Variants in RLBP1 observed in about 807,000 individuals in gnomAD.
RLBP1 encodes the protein retinaldehyde binding protein 1.
In RLBP1, 26 loss-of-function variants were observed where a neutral mutation model predicts 36.2. That is an observed-to-expected ratio of 0.72 (90% CI 0.53 to 1.00). The LOEUF is 1.00. RLBP1 is among the 50% of genes least tolerant of loss of function. The probability of loss-of-function intolerance (pLI) is 0.00; values close to 1 mark genes in which losing one functional copy is unlikely to be tolerated. For synonymous variants in RLBP1, 155 were observed against 156.2 expected (o/e 0.99, Z 0.06); for missense variants, 410 against 402.4 (o/e 1.02, Z -0.16).
Position 89,211,879 on chromosome 15 carries a change from A to T in RLBP1, c.548T>A (p.Ile183Asn), listed in dbSNP as rs1223610310. ...FDEILQAYCF[I>N]LEKLLENEET... Reference sequence around the variant, plus strand: ...CTCATTCTCCAGCAGCTTCTCCAGGATGAAGCAATATGCCTGCAAGATCTT... The same window carrying T: ...CTCATTCTCCAGCAGCTTCTCCAGGTTGAAGCAATATGCCTGCAAGATCTT... The change falls in exon 7 of 9, where the codon ATC (isoleucine) becomes AAC (asparagine). Residue 183 changes from isoleucine (I) to asparagine (N), a missense_variant. Ile to Asn is a moderately radical substitution (Grantham distance 149). Transcript: ENST00000268125. The surrounding 1 kb of genome is among the most constrained non-coding windows in gnomAD (Gnocchi z 5.8). 1 of 1,614,244 alleles carries T rather than the reference A, an allele frequency of 6.2e-7. No individual in the cohort carries two copies. Among genetic ancestry groups the T allele is most frequent in the Non-Finnish European group, 8.5e-7 (1 of 1,180,038 alleles).
At chr15:89,216,378 A>C (rs1418260054) in intron 5 of RLBP1, among the ~76,000 whole-genome samples, 1 of 151,576 alleles carries the variant, frequency 6.6e-6, no homozygotes, top group Non-Finnish European at 1.5e-5. Flanking sequence ...GCTGGAGTGC[A>C]ATGGCACGAT....
chr15:89,210,710 G>T lies in RLBP1; in HGVS notation c.784C>A (p.Leu262Met). The change falls in exon 8 of 9, where the codon CTG (leucine) becomes ATG (methionine). Residue 262 changes from leucine to methionine, a missense_variant. By Grantham distance (15) the Leu-to-Met change is conservative. Coordinates refer to ENST00000268125, the MANE Select transcript of RLBP1 (RefSeq NM_000326.5). The surrounding 1 kb of genome is among the most constrained non-coding windows in gnomAD (Gnocchi z 4.7). ...GCCCACGTACTCACCCTCTCAAGCAGCTTGCTCTTCAAGAAGGGCTTGACC... is the reference window on the plus strand; with the variant it reads ...GCCCACGTACTCACCCTCTCAAGCATCTTGCTCTTCAAGAAGGGCTTGACC... ...NVVKPFLKSK[L>M]LERVFVHGDD... The T allele has an allele frequency of 6.3e-7, 1 of 1,594,912 alleles. No individual in the cohort carries two copies. The highest frequency in any genetic ancestry group is 1.3e-5 in the African/African-American group (1 of 74,710).
chr15:89,213,222 C>G (rs1055850199), intron 6 of RLBP1, among the ~76,000 whole-genome samples: 2 of 151,890 alleles, frequency 1.3e-5, no homozygotes, highest in Non-Finnish European at 2.9e-5. Flanking sequence ...ACTTCACCAT[C>G]TCTGCCACCA....
In RLBP1 at chr15:89,211,852, TC is replaced by T; in HGVS notation, c.574del (p.Glu192LysfsTer67). The T allele has an allele frequency of 1.2e-6, 2 of 1,614,228 alleles. No individual in the cohort carries two copies. Among genetic ancestry groups the T allele is most frequent in the Non-Finnish European group, 8.5e-7 (1 of 1,180,046 alleles). The part of the protein sequence containing the change: ...FILEKLLENE[E>X]TQINGFCIIE... ...GATGCAGAAGCCATTGATTTGAGTT[TC>T]CTCATTCTCCAGCAGCTTCTCCAGG... On this transcript the variant is annotated frameshift_variant, in exon 7 of 9. Coordinates refer to ENST00000268125, the MANE Select transcript of RLBP1 (RefSeq NM_000326.5). LOFTEE classifies it high-confidence loss of function. This position sits in a 1 kb window ranked among gnomAD's most constrained non-coding sequence, Gnocchi z 5.8.
Position 89,214,632 on chromosome 15 carries a change from T to C in RLBP1, c.525+428A>G, listed in dbSNP as rs551075596. On this transcript the variant is annotated intron_variant, in intron 6 of 8. Coordinates refer to ENST00000268125, the MANE Select transcript of RLBP1 (RefSeq NM_000326.5). The surrounding 1 kb of genome is among the most constrained non-coding windows in gnomAD (Gnocchi z 4.6). ...GACAAGCAAAATTGCGTACACAATTTTGCGAGCACAAAGAACTCGGGCTCC... is the reference window on the plus strand; with the variant it reads ...GACAAGCAAAATTGCGTACACAATTCTGCGAGCACAAAGAACTCGGGCTCC... 2.3e-5 allele frequency among the ~76,000 whole-genome samples: 1 copy of C among 43,910 alleles called. No homozygotes were observed. The highest frequency in any genetic ancestry group is 3.9e-5 in the Non-Finnish European group (1 of 25,440). 28.8% of individuals were successfully genotyped at this position (43,910 alleles called of 152,430 possible).
At position 89,211,648 on chromosome 15, in the gene RLBP1, C is replaced by T; in HGVS notation, c.684+95G>A. 1 of 1,370,470 alleles carries T rather than the reference C, an allele frequency of 7.3e-7. No homozygotes were observed. Among genetic ancestry groups the T allele is most frequent in the Non-Finnish European group, 1.0e-6 (1 of 976,156 alleles). 84.9% of individuals were successfully genotyped at this position (1,370,470 alleles called of 1,614,324 possible). A position where few individuals can be genotyped will look rare whatever the true frequency, so the allele number is the denominator to read the frequency against. On this transcript the variant is annotated intron_variant, in intron 7 of 8. Transcript: ENST00000268125. This position sits in a 1 kb window ranked among gnomAD's most constrained non-coding sequence, Gnocchi z 5.8. ...CTCTTTATGGCGCGAGGTGGTCCAA[C>T]TTCTCAGTTCCCTGCAAGCACCATG...
Position 89,210,547 on chromosome 15 carries a change from C to T in RLBP1, c.796-104G>A, listed in dbSNP as rs866121157. ...AGGACAAAGCCCCATCATGTGCAGT[C>T]TTTGCCTGGCGACACCTCTCTCCGC... On this transcript the variant is annotated intron_variant, in intron 8 of 8. Coordinates refer to ENST00000268125, the MANE Select transcript of RLBP1 (RefSeq NM_000326.5). This position sits in a 1 kb window ranked among gnomAD's most constrained non-coding sequence, Gnocchi z 4.7. 2 of 1,396,022 alleles carry T rather than the reference C, an allele frequency of 1.4e-6. No individual in the cohort carries two copies. Among genetic ancestry groups the T allele is most frequent in the Middle Eastern group, 3.6e-4 (2 of 5,590 alleles). 86.5% of individuals were successfully genotyped at this position (1,396,022 alleles called of 1,614,324 possible).
chr15:89,216,448 C>G (rs2051580936), intron 5 of RLBP1, among the ~76,000 whole-genome samples: 1 of 152,180 alleles, frequency 6.6e-6, no homozygotes, highest in Non-Finnish European at 1.5e-5. Flanking sequence ...TCAGCCTCCC[C>G]AGTAGCTGAG....
In RLBP1 at chr15:89,210,760, C is replaced by A; in HGVS notation, c.734G>T (p.Trp245Leu). ...FKAIHFIHQP[W>L]YFTTTYNVVK... Reference sequence around the variant, plus strand: ...CACATTGTAGGTCGTGGTGAAGTACCATGGCTGGTGGATGAAGTGGATGGC... The same window carrying A: ...CACATTGTAGGTCGTGGTGAAGTACAATGGCTGGTGGATGAAGTGGATGGC... The change falls in exon 8 of 9, where the codon TGG becomes TTG. Residue 245 changes from tryptophan (W) to leucine (L), a missense_variant. By Grantham distance (61) the Trp-to-Leu change is moderately conservative (BLOSUM62 -2). Coordinates refer to ENST00000268125, the MANE Select transcript of RLBP1 (RefSeq NM_000326.5). This position sits in a 1 kb window ranked among gnomAD's most constrained non-coding sequence, Gnocchi z 4.7. The A allele has an allele frequency of 6.2e-7, 1 of 1,602,334 alleles. No individual in the cohort carries two copies. Among genetic ancestry groups the A allele is most frequent in the South Asian group, 1.1e-5 (1 of 88,996 alleles).
Position 89,218,040 on chromosome 15 carries a change from T to A in RLBP1, c.141+525A>T, listed in dbSNP as rs1048039763. On this transcript the variant is annotated intron_variant, in intron 4 of 8. Transcript: ENST00000268125. This position sits in a 1 kb window ranked among gnomAD's most constrained non-coding sequence, Gnocchi z 4.6. ...TGGAAGCTGGGTGCCCAGGCTCAGC[T>A]CAGCCACTTCTCATCCTCCCCAGCA... 6.6e-6 allele frequency among the ~76,000 whole-genome samples: 1 copy of A among 152,154 alleles called. No homozygotes were observed. Among genetic ancestry groups the A allele is most frequent in the Non-Finnish European group, 1.5e-5 (1 of 68,028 alleles).
At position 89,211,465 on chromosome 15, in the gene RLBP1, CT is replaced by C. The variant is rs1375286048; in HGVS notation, c.684+277del. ...TTATTGCTGTGTGACCTCGAGATGTCTCTTAAATCTCTGAGCCTTCGTTTCC... is the reference window on the plus strand; with the variant it reads ...TTATTGCTGTGTGACCTCGAGATGTCCTTAAATCTCTGAGCCTTCGTTTCC... On this transcript the variant is annotated intron_variant, in intron 7 of 8. Transcript: ENST00000268125. This position sits in a 1 kb window ranked among gnomAD's most constrained non-coding sequence, Gnocchi z 5.8. Among the ~76,000 whole-genome samples the C allele has an allele frequency of 6.6e-6, 1 of 152,172 alleles. No individual in the cohort carries two copies. The highest frequency in any genetic ancestry group is 2.4e-5 in the African/African-American group (1 of 41,434).
chr15:89,210,364 G>A lies in RLBP1; in HGVS notation c.875C>T (p.Thr292Met), dbSNP rs201588178. The A allele has an allele frequency of 4.6e-5, 74 of 1,614,154 alleles. No homozygotes were observed. Among genetic ancestry groups the A allele is most frequent in the East Asian group, 2.9e-4 (13 of 44,882 alleles). ...GGCCTTGCCATCATACTTGGGCAGC[G>A]TGCCCCCGAAGTCAGAGGGCAGGAT... ...ENILPSDFGG[T>M]LPKYDGKAVA... The change falls in exon 9 of 9, where the codon ACG becomes ATG. Residue 292 changes from threonine to methionine, a missense_variant. Coordinates refer to ENST00000268125, the MANE Select transcript of RLBP1 (RefSeq NM_000326.5). The surrounding 1 kb of genome is among the most constrained non-coding windows in gnomAD (Gnocchi z 4.7).
Position 89,210,333 on chromosome 15 carries a change from A to G in RLBP1, c.906T>C (p.Ala302=). The part of the protein sequence containing the change: ...TLPKYDGKAV[A]EQLFGPQAQA... ...GGGCCTGGGGGCCAAAGAGCTGCTCAGCAACGGCCTTGCCATCATACTTGG... is the reference window on the plus strand; with the variant it reads ...GGGCCTGGGGGCCAAAGAGCTGCTCGGCAACGGCCTTGCCATCATACTTGG... The change falls in exon 9 of 9, where the codon GCT becomes GCC. Residue 302 remains alanine, a synonymous_variant. Transcript: ENST00000268125. This position sits in a 1 kb window ranked among gnomAD's most constrained non-coding sequence, Gnocchi z 4.7. The G allele has an allele frequency of 6.2e-7, 1 of 1,614,244 alleles. No homozygotes were observed. Among genetic ancestry groups the G allele is most frequent in the Non-Finnish European group, 8.5e-7 (1 of 1,180,046 alleles).
At chr15:89,212,537 A>G (rs1166030105) in intron 6 of RLBP1, among the ~76,000 whole-genome samples, 1 of 149,912 alleles carries the variant, frequency 6.7e-6, no homozygotes, top group African/African-American at 2.5e-5. Context: ...GTGAGCCGAG[A>G]TCACGCCACT....
intron 5 of RLBP1, among the ~76,000 whole-genome samples, chr15:89,215,519 G>A (rs538560855): frequency 6.6e-6 from 1 of 152,324 alleles, no homozygotes; most frequent in African/African-American, 2.4e-5. Context: ...GCAAACATGA[G>A]GCATAGTCTT....
Position 89,218,983 on chromosome 15 carries a change from A to G in RLBP1, c.-8T>C, listed in dbSNP as rs1055933111. 1.2e-6 allele frequency: 2 copies of G among 1,614,044 alleles called. No homozygotes were observed. The highest frequency in any genetic ancestry group is 2.2e-5 in the East Asian group (1 of 44,896). On this transcript the variant is annotated 5_prime_UTR_variant, in exon 3 of 9. Transcript: ENST00000268125. The surrounding 1 kb of genome is among the most constrained non-coding windows in gnomAD (Gnocchi z 4.6). The stretch of plus-strand genomic sequence containing the variant: ...ACTTACCCCTTCTGACATGTTGCCT[A>G]TGGAAGACACAGAGTCCTTGGAAAA...
chr15:89,210,732 G>T lies in RLBP1; in HGVS notation c.762C>A (p.Val254=). The T allele has an allele frequency of 6.2e-7, 1 of 1,601,984 alleles. No homozygotes were observed. The highest frequency in any genetic ancestry group is 1.1e-5 in the South Asian group (1 of 88,896). ...GCAGCTTGCTCTTCAAGAAGGGCTT[G>T]ACCACATTGTAGGTCGTGGTGAAGT... ...PWYFTTTYNV[V]KPFLKSKLLE... is the part of the protein sequence containing the mutation. Residue 254 remains valine, a synonymous_variant, in exon 8 of 9, where the codon GTC becomes GTA. Coordinates refer to ENST00000268125, the MANE Select transcript of RLBP1 (RefSeq NM_000326.5). This position sits in a 1 kb window ranked among gnomAD's most constrained non-coding sequence, Gnocchi z 4.7.
chr15:89,210,169 G>T lies in RLBP1; in HGVS notation c.*116C>A. ...TGACACCTGAGCTCACTCGGGCTTA[G>T]GGAGTCTAAGGGGGGACCACAGTCA... On this transcript the variant is annotated 3_prime_UTR_variant, in exon 9 of 9. Transcript: ENST00000268125. This position sits in a 1 kb window ranked among gnomAD's most constrained non-coding sequence, Gnocchi z 4.7. The T allele has an allele frequency of 1.6e-6, 2 of 1,212,300 alleles. No homozygotes were observed. Among genetic ancestry groups the T allele is most frequent in the South Asian group, 1.2e-5 (1 of 82,294 alleles). 75.1% of individuals were successfully genotyped at this position (1,212,300 alleles called of 1,614,324 possible).
chr15:89,217,278 A>G lies in RLBP1; in HGVS notation c.188T>C (p.Val63Ala). Residue 63 changes from valine to alanine, a missense_variant, in exon 5 of 9, where the codon GTG (valine) becomes GCG (alanine). Transcript: ENST00000268125. The stretch of plus-strand genomic sequence containing the variant: ...CTGCACCATCTCCTGCAGCTCTCGC[A>G]CTGCCTCCTCCCGGGTCTCCTCTCT... Reference protein sequence around the residue: ...NEREETREEAVRELQEMVQAQ... With the variant: ...NEREETREEAARELQEMVQAQ... The G allele has an allele frequency of 1.2e-6, 2 of 1,609,626 alleles. No individual in the cohort carries two copies. The highest frequency in any genetic ancestry group is 1.7e-6 in the Non-Finnish European group (2 of 1,179,974).
Sources: gnomAD v4.1 joint callset for allele counts (sites outside exome capture counted in the v4.1 genomes callset) on GRCh38, gnomAD v4.1.1 for gene constraint, Gnocchi (gnomAD v3.1) non-coding constraint, MANE v1.5 for transcripts, NCBI Gene and HGNC (gene_info 2026-07-23, HGNC 2026-07-21) for gene names.